EFCAB6: variants seen among roughly 807,000 people sequenced by gnomAD.
EFCAB6 encodes EF-hand calcium binding domain 6.
In EFCAB6, 156 loss-of-function variants were observed where a neutral mutation model predicts 169.8. The ratio of observed to expected loss-of-function variants is 0.92; its 90% CI spans 0.81 to 1.05. The LOEUF (loss-of-function observed/expected upper bound fraction) is 1.05, where lower values mean the gene tolerates loss of function less well. Ranked by LOEUF, EFCAB6 falls within the 50% of genes least tolerant of loss-of-function variation. The pLI is 0.00. For missense variants in EFCAB6, 1,800 were observed against 1,829.1 expected (o/e 0.98, Z 0.29); for synonymous variants, 698 against 676.4 (o/e 1.03, Z -0.50).
In EFCAB6 at chr22:43,554,964, A is replaced by G; in HGVS notation, c.3553T>C (p.Phe1185Leu). The change falls in exon 27 of 32, where the codon TTT becomes CTT. Residue 1185 changes from phenylalanine (F) to leucine (L), a missense_variant. Coordinates refer to ENST00000262726, the MANE Select transcript of EFCAB6 (RefSeq NM_022785.4). ...GTTTTCATGGTGTCAAAATTCTCAA[A>G]CTCCTGGGTGATGGCATGGTAATGG... ...TSHYHAITQE[F>L]ENFDTMKTNT... 1 of 1,613,862 alleles carries G rather than the reference A, an allele frequency of 6.2e-7. No individual in the cohort carries two copies. The highest frequency in any genetic ancestry group is 8.5e-7 in the Non-Finnish European group (1 of 1,179,958).
chr22:43,588,941 T>C (rs1215532881), intron 24 of EFCAB6, among the ~76,000 whole-genome samples: 1 of 152,078 alleles, frequency 6.6e-6, no homozygotes, highest in Non-Finnish European at 1.5e-5. Flanking sequence ...ACGATAGGCA[T>C]GTGGCATGCG....
chr22:43,632,004 G>C, intron 19 of EFCAB6, 101 bp downstream of exon 19: 1 of 1,490,078 alleles, frequency 6.7e-7, no homozygotes, highest in Non-Finnish European at 9.0e-7. Context: ...CCCTTGGGCT[G>C]ACTGGGACAT....
At chr22:43,551,101 T>C (rs2048354338) in intron 27 of EFCAB6, among the ~76,000 whole-genome samples, 1 of 152,186 alleles carries the variant, frequency 6.6e-6, no homozygotes, top group African/African-American at 2.4e-5. Flanking sequence ...TTAAGTGTAA[T>C]TTAATATGGT....
At chr22:43,605,080 T>C (rs1280214033) in intron 22 of EFCAB6, among the ~76,000 whole-genome samples, 1 of 152,132 alleles carries the variant, frequency 6.6e-6, no homozygotes, top group Admixed American at 6.5e-5. Flanking sequence ...AGGAGGTGCC[T>C]CCCATGTCCA....
chr22:43,781,770 A>G (rs966612568), intron 3 of EFCAB6, among the ~76,000 whole-genome samples: 1 of 152,148 alleles, frequency 6.6e-6, no homozygotes, highest in Non-Finnish European at 1.5e-5. Context: ...TACCACAGTA[A>G]TATGAGATGT....
intron 20 of EFCAB6, among the ~76,000 whole-genome samples, chr22:43,620,467 G>GA (rs138329790): frequency 0.12 from 17,580 of 152,130 alleles, 1,355 homozygotes; most frequent in South Asian, 0.22. Context: ...GAAACAAAAG[G>GA]AATGTCAACC....
At chr22:43,579,086 G>A (rs112800788) in intron 25 of EFCAB6, among the ~76,000 whole-genome samples, 9,884 of 142,570 alleles carry the variant, frequency 0.069, 396 homozygotes, top group Middle Eastern at 0.12. Context: ...TTCCCTACAC[G>A]CAGGCATCAT....
Position 43,732,674 on chromosome 22 carries a change from C to T in EFCAB6, c.645-863G>A, listed in dbSNP as rs367811801. 9.2e-5 allele frequency among the ~76,000 whole-genome samples: 14 copies of T among 152,078 alleles called. No individual in the cohort carries two copies. The South Asian group carries it at 2.9e-3, about 32-fold the overall frequency. On this transcript the variant is annotated intron_variant, in intron 7 of 31. Transcript: ENST00000262726. Reference sequence around the variant, plus strand: ...TAGACACGGGGTTTTTCCATGTTGGCCAGGCTGGTCTCGAACTCCTGGCCT... The same window carrying T: ...TAGACACGGGGTTTTTCCATGTTGGTCAGGCTGGTCTCGAACTCCTGGCCT...
Position 43,743,071 on chromosome 22 carries a change from A to C in EFCAB6, c.508-7078T>G, listed in dbSNP as rs182095869. On this transcript the variant is annotated intron_variant, in intron 6 of 31. Transcript: ENST00000262726. ...GAAGCTCCATGTCACATAGGAGTGAAGTAAAAGAAGGAAGTGATCACTAAA... is the reference window on the plus strand; with the variant it reads ...GAAGCTCCATGTCACATAGGAGTGACGTAAAAGAAGGAAGTGATCACTAAA... Among the ~76,000 whole-genome samples the C allele has an allele frequency of 2.9e-3, 441 of 152,364 alleles. 2 individuals carry two copies. Among genetic ancestry groups the C allele is most frequent in the Middle Eastern group, 0.02 (6 of 294 alleles).
chr22:43,556,041 T>C (rs2048687123), intron 26 of EFCAB6, among the ~76,000 whole-genome samples: 1 of 152,176 alleles, frequency 6.6e-6, no homozygotes, highest in East Asian at 1.9e-4. Flanking sequence ...GGGAAGTTAC[T>C]CAGTGAGCAG....
At chr22:43,731,515 T>A (rs928206168) in intron 8 of EFCAB6, among the ~76,000 whole-genome samples, 184 bp downstream of exon 8, 1 of 152,226 alleles carries the variant, frequency 6.6e-6, no homozygotes, top group African/African-American at 2.4e-5. Context: ...ATATTGTGAC[T>A]CATTTAGCCT....
At chr22:43,722,363 TAA>T (rs35624882) in intron 8 of EFCAB6, among the ~76,000 whole-genome samples, 8 of 149,622 alleles carry the variant, frequency 5.3e-5, no homozygotes, top group South Asian at 2.1e-4. Flanking sequence ...CATCTCTACT[TAA>T]AAAAAAAAAA....
intron 26 of EFCAB6, among the ~76,000 whole-genome samples, chr22:43,561,248 T>G (rs956129575): frequency 8.6e-5 from 13 of 151,542 alleles, no homozygotes; most frequent in Non-Finnish European, 1.6e-4. Flanking sequence ...TCCCAGCTAC[T>G]CAGGGGGCTG....
At chr22:43,602,212 C>T (rs910742937) in intron 22 of EFCAB6, among the ~76,000 whole-genome samples, 1 of 152,238 alleles carries the variant, frequency 6.6e-6, no homozygotes, top group Non-Finnish European at 1.5e-5. Flanking sequence ...CCCTGCAGAC[C>T]TTTTCAGGTG....
At chr22:43,742,781 C>T (rs2060421383) in intron 6 of EFCAB6, among the ~76,000 whole-genome samples, 1 of 152,188 alleles carries the variant, frequency 6.6e-6, no homozygotes, top group South Asian at 2.1e-4. Context: ...CCGGCACCCC[C>T]ACTGCACCCC....
At chr22:43,743,156 A>G (rs1208554652) in intron 6 of EFCAB6, among the ~76,000 whole-genome samples, 3 of 152,238 alleles carry the variant, frequency 2.0e-5, no homozygotes, top group African/African-American at 7.2e-5. Flanking sequence ...AATTAAAAAG[A>G]TTTAGGTGAA....
rs1251631030 is a variant in EFCAB6 at position 43,651,139 on chromosome 22, T to C, written c.1984-15923A>G. Among the ~76,000 whole-genome samples the C allele has an allele frequency of 3.0e-4, 45 of 152,212 alleles. 1 individual carries two copies. The highest frequency in any genetic ancestry group is 2.5e-4 in the Non-Finnish European group (17 of 68,036). On this transcript the variant is annotated intron_variant, in intron 17 of 31. Coordinates refer to ENST00000262726, the MANE Select transcript of EFCAB6 (RefSeq NM_022785.4). ...CAATGGTGAAAATGTCTCCAGGGCA[T>C]GTCAGAGGTCTTCACAGCAGCCCCT... is the stretch of plus-strand genomic sequence containing the variant.
At chr22:43,613,459 A>G (rs1451007003) in intron 21 of EFCAB6, among the ~76,000 whole-genome samples, 1 of 152,202 alleles carries the variant, frequency 6.6e-6, no homozygotes, top group African/African-American at 2.4e-5. Flanking sequence ...TGTCCTTTGC[A>G]GGAACATGAA....
At chr22:43,805,944 C>A (rs1047149418) in intron 2 of EFCAB6, among the ~76,000 whole-genome samples, 3 of 152,130 alleles carry the variant, frequency 2.0e-5, no homozygotes, top group Non-Finnish European at 4.4e-5. Flanking sequence ...GTGGGCAGAT[C>A]ACTTGAGGCC....
Sources: gnomAD v4.1 joint callset for allele counts (sites outside exome capture counted in the v4.1 genomes callset) on GRCh38, gnomAD v4.1.1 for gene constraint, MANE v1.5 for transcripts, NCBI Gene and HGNC (gene_info 2026-07-23, HGNC 2026-07-21) for gene names.